Variants in PHF21A observed in about 807,000 individuals in gnomAD.
PHF21A encodes the protein PHD finger protein 21A, also known as BHC80a.
In PHF21A, 11 loss-of-function variants were observed where a neutral mutation model predicts 82.5. The ratio of observed to expected loss-of-function variants is 0.13; its 90% CI spans 0.08 to 0.22. PHF21A has a LOEUF of 0.22. Among genes scored for constraint, PHF21A ranks in the 10% least tolerant of loss-of-function variants. PHF21A has a pLI of 1.00. For missense variants in PHF21A, 579 were observed against 837.8 expected, an observed-to-expected ratio of 0.69 and a Z score of 3.81; for synonymous variants, 297 against 302.8, an observed-to-expected ratio of 0.98 and a Z score of 0.20.
intron 1 of PHF21A, among the ~76,000 whole-genome samples, chr11:46,112,904 A>G (rs992200440): frequency 3.9e-5 from 6 of 152,192 alleles, no homozygotes; most frequent in Non-Finnish European, 7.3e-5. Context: ...AGTTTTCAAT[A>G]TATTATTTTG....
chr11:46,009,028 G>A (rs1246399503), intron 6 of PHF21A, among the ~76,000 whole-genome samples: 2 of 142,846 alleles, frequency 1.4e-5, no homozygotes, highest in African/African-American at 5.3e-5. Context: ...ACGCTGGAGT[G>A]CAGTGGCGTG....
rs910625680 is a variant in PHF21A, at chr11:46,084,259, C to A, written c.-40G>T. On this transcript the variant is annotated 5_prime_UTR_variant, in exon 4 of 19. Transcript: ENST00000676320. ...ACTTTCTCTGCTAATTCTATAGTTTCTTCAGCCTCTGTTTAAAGTAACAAA... is the reference window on the plus strand; with the variant it reads ...ACTTTCTCTGCTAATTCTATAGTTTATTCAGCCTCTGTTTAAAGTAACAAA... The A allele has an allele frequency of 1.0e-5, 16 of 1,526,786 alleles. No individual in the cohort carries two copies. The highest frequency in any genetic ancestry group is 9.8e-5 in the African/African-American group (7 of 71,706). 94.6% of individuals were successfully genotyped at this position (1,526,786 alleles called of 1,614,324 possible).
At chr11:46,107,514 T>G (rs1279354634) in intron 1 of PHF21A, among the ~76,000 whole-genome samples, 1 of 152,242 alleles carries the variant, frequency 6.6e-6, no homozygotes, top group African/African-American at 2.4e-5. Context: ...TTAAATAAAC[T>G]GCTACATTCT....
intron 6 of PHF21A, among the ~76,000 whole-genome samples, chr11:46,012,742 C>T (rs557446471): frequency 2.0e-5 from 3 of 152,260 alleles, no homozygotes; most frequent in South Asian, 4.1e-4. Flanking sequence ...CTTAATATCC[C>T]ACCAACAACT....
chr11:45,952,485 A>G (rs987595284), intron 11 of PHF21A, among the ~76,000 whole-genome samples: 1 of 152,170 alleles, frequency 6.6e-6, no homozygotes, highest in African/African-American at 2.4e-5. Flanking sequence ...TTGATAGGGA[A>G]ATTTTGCTCA....
intron 7 of PHF21A, 22 bp downstream of exon 7, chr11:45,979,738 A>G (rs1565375995): frequency 6.2e-7 from 1 of 1,613,048 alleles, no homozygotes; most frequent in Non-Finnish European, 8.5e-7. Context: ...TGCAGCCTGC[A>G]ATGTTCCATC....
intron 1 of PHF21A, among the ~76,000 whole-genome samples, chr11:46,104,327 G>C (rs1453006475): frequency 1.3e-5 from 2 of 152,016 alleles, no homozygotes; most frequent in East Asian, 3.9e-4. Context: ...ACAATGCCTA[G>C]TCTACTACTG....
At chr11:46,006,570 G>T (rs1434690501) in intron 6 of PHF21A, among the ~76,000 whole-genome samples, 2 of 152,232 alleles carry the variant, frequency 1.3e-5, no homozygotes, top group Admixed American at 1.3e-4. Flanking sequence ...TACACAGGCA[G>T]CTGTCTGCCT....
rs1302363327 is a variant in PHF21A at position 45,977,031 on chromosome 11, C to T, written c.360+2729G>A. Among the ~76,000 whole-genome samples, 8 of 152,142 alleles carry T rather than the reference C, an allele frequency of 5.3e-5. No individual in the cohort carries two copies. The East Asian group carries it at 1.5e-3, about 29-fold the overall frequency. The stretch of plus-strand genomic sequence containing the variant: ...TACTGGATGGAGAGGTGCTATACAA[C>T]ACTGTTTTGGAGGCAGCCCTGGGCC... On this transcript the variant is annotated intron_variant, in intron 7 of 18. Coordinates refer to ENST00000676320, the MANE Select transcript of PHF21A (RefSeq NM_001352027.3).
Position 45,938,242 on chromosome 11 carries a change from G to T in PHF21A, c.1523C>A (p.Ser508Tyr), listed in dbSNP as rs1321497913. ...TAAGCAGTCCAAATGATATACACGG[G>T]AACATGTGTCGCACATCAGTAACTG... is the stretch of plus-strand genomic sequence containing the variant. Reference protein sequence around the residue: ...SGQLLMCDTCSRVYHLDCLDP... With the variant: ...SGQLLMCDTCYRVYHLDCLDP... The change falls in exon 16 of 19, where the codon TCC (serine) becomes TAC (tyrosine). Residue 508 changes from serine (S) to tyrosine (Y), a missense_variant. Physicochemically the swap from Ser to Tyr is moderately radical, Grantham distance 144. Around this residue, in one of 3 missense-constraint regions of PHF21A, gnomAD observed 410 missense variants for 642.1 expected, o/e 0.64. Coordinates refer to ENST00000676320, the MANE Select transcript of PHF21A (RefSeq NM_001352027.3). 2 of 1,611,624 alleles carry T rather than the reference G, an allele frequency of 1.2e-6. No homozygotes were observed. Among genetic ancestry groups the T allele is most frequent in the South Asian group, 2.2e-5 (2 of 90,290 alleles).
rs540377535 is a variant in PHF21A, at chr11:45,956,069, G to T, written c.997-2444C>A. Among the ~76,000 whole-genome samples the T allele has an allele frequency of 3.9e-5, 6 of 152,294 alleles. No homozygotes were observed. In the South Asian group the frequency reaches 1.2e-3, roughly 32 times the overall value. On this transcript the variant is annotated intron_variant, in intron 10 of 18. Coordinates refer to ENST00000676320, the MANE Select transcript of PHF21A (RefSeq NM_001352027.3). ...CTATCAACCAAGAATTCTATATCCT[G>T]CAAAACTATTCTTCAAAAATGGAGA...
intron 6 of PHF21A, among the ~76,000 whole-genome samples, chr11:46,060,861 C>T (rs1451209796): frequency 6.6e-6 from 1 of 152,060 alleles, no homozygotes; most frequent in Non-Finnish European, 1.5e-5. Flanking sequence ...ATTGCTTTTG[C>T]ACCTTCATCG....
At chr11:46,016,615 G>A (rs115337894) in intron 6 of PHF21A, among the ~76,000 whole-genome samples, 100 of 152,084 alleles carry the variant, frequency 6.6e-4, no homozygotes, top group African/African-American at 1.8e-3. Context: ...AAGAGCACCC[G>A]TGTACAACTT....
At chr11:45,992,265 G>C (rs1352273295) in intron 6 of PHF21A, among the ~76,000 whole-genome samples, 1 of 152,038 alleles carries the variant, frequency 6.6e-6, no homozygotes, top group Non-Finnish European at 1.5e-5. Context: ...CGGCATGGTG[G>C]CTCATGCTTG....
Position 45,932,785 on chromosome 11 carries a change from A to T in PHF21A, c.*1183T>A, listed in dbSNP as rs2087802267. 2 of 152,608 alleles carry T rather than the reference A, an allele frequency of 1.3e-5. No homozygotes were observed. The highest frequency in any genetic ancestry group is 6.5e-5 in the Admixed American group (1 of 15,282). The allele number at this position is 152,608 out of a possible 1,614,324, so 9.5% of individuals were successfully genotyped here. On this transcript the variant is annotated 3_prime_UTR_variant, in exon 19 of 19. Transcript: ENST00000676320. The surrounding 1 kb of genome is among the most constrained non-coding windows in gnomAD (Gnocchi z 4.3). The stretch of plus-strand genomic sequence containing the variant: ...AAAAAAACAGTGCCCGAACGATGAC[A>T]CAAGGACTCACAAAGACTCACGGGA...
At chr11:46,058,022 T>C (rs1268566623) in intron 6 of PHF21A, among the ~76,000 whole-genome samples, 1 of 152,192 alleles carries the variant, frequency 6.6e-6, no homozygotes, top group African/African-American at 2.4e-5. Flanking sequence ...GTCAGTTAAG[T>C]TTCCAACCTG....
chr11:45,941,307 C>T (rs1009801799), intron 15 of PHF21A, among the ~76,000 whole-genome samples: 1 of 151,970 alleles, frequency 6.6e-6, no homozygotes, highest in African/African-American at 2.4e-5. Flanking sequence ...CCTTTATTAC[C>T]CAGGCTGGTA....
chr11:46,046,614 T>C (rs2096261365), intron 6 of PHF21A, among the ~76,000 whole-genome samples: 2 of 152,208 alleles, frequency 1.3e-5, no homozygotes, highest in African/African-American at 2.4e-5. Context: ...GTGCATATAT[T>C]TCCCTCATAT....
chr11:46,026,488 C>A (rs1003182374), intron 6 of PHF21A, among the ~76,000 whole-genome samples: 2 of 152,056 alleles, frequency 1.3e-5, no homozygotes, highest in African/African-American at 4.8e-5. Context: ...TTAAAATAAA[C>A]CTAAGGGAGA....
Sources: allele counts gnomAD v4.1 joint callset (sites outside exome capture counted in the v4.1 genomes callset), GRCh38; gene constraint gnomAD v4.1.1; regional missense constraint gnomAD v4.1.1; non-coding constraint Gnocchi (gnomAD v3.1); transcripts MANE v1.5; gene names NCBI Gene and HGNC (gene_info 2026-07-23, HGNC 2026-07-21).